NADSYN1: variants seen among roughly 807,000 people sequenced by gnomAD.
NADSYN1 encodes NAD synthetase 1.
In NADSYN1, 80 loss-of-function variants were observed where a neutral mutation model predicts 99.3. That is an observed-to-expected ratio of 0.81 (90% CI 0.67 to 0.97). NADSYN1 has a LOEUF of 0.97. Ranked by LOEUF, NADSYN1 falls within the 50% of genes least tolerant of loss-of-function variation. NADSYN1 has a pLI of 0.00. For missense variants in NADSYN1, 859 were observed against 948.5 expected, an observed-to-expected ratio of 0.91 and a Z score of 1.24; for synonymous variants, 385 against 372.1, an observed-to-expected ratio of 1.03 and a Z score of -0.40.
In NADSYN1 at chr11:71,478,282, G is replaced by A. The variant is rs1239306196; in HGVS notation, c.799-113G>A. 5 of 852,068 alleles carry A rather than the reference G, an allele frequency of 5.9e-6. No homozygotes were observed. In the East Asian group the frequency reaches 8.2e-5, roughly 14 times the overall value. 52.8% of individuals were successfully genotyped at this position (852,068 alleles called of 1,614,324 possible). ...CATCCCTGGGCCTCCAGGAATCCAGGGTCTCAGCCCCTGCTTTAGAAGGTG... is the reference window on the plus strand; with the variant it reads ...CATCCCTGGGCCTCCAGGAATCCAGAGTCTCAGCCCCTGCTTTAGAAGGTG... On this transcript the variant is annotated intron_variant, in intron 9 of 20. Transcript: ENST00000319023.
At chr11:71,484,046 G>A (rs2120483373) in intron 14 of NADSYN1, among the ~76,000 whole-genome samples, 1 of 152,336 alleles carries the variant, frequency 6.6e-6, no homozygotes. Flanking sequence ...CTCTGCATCT[G>A]TCACTGTCAG....
Position 71,474,412 on chromosome 11 carries a change from G to C in NADSYN1, c.684G>C (p.Leu228Phe). The part of the protein sequence containing the change: ...MVTSKNGGIY[L>F]LANQKGCDGD... ...TTTTTCAGAACGGTGGGATTTACTT[G>C]CTGGCCAACCAGAAGGGTTGTGACG... The change falls in exon 9 of 21, where the codon TTG (leucine) becomes TTC (phenylalanine). Residue 228 changes from leucine (L) to phenylalanine (F), a missense_variant. Leu to Phe is a conservative substitution (Grantham distance 22, BLOSUM62 0). Transcript: ENST00000319023. 1 of 1,614,160 alleles carries C rather than the reference G, an allele frequency of 6.2e-7. No individual in the cohort carries two copies. Among genetic ancestry groups the C allele is most frequent in the Non-Finnish European group, 8.5e-7 (1 of 1,180,010 alleles).
At position 71,458,276 on chromosome 11, in the gene NADSYN1, T is replaced by G. The variant is rs372325953; in HGVS notation, c.147-152T>G. ...CATCTGGCTGCGGCAGTGGGTCTTATGCTGGCTGCTCATTGGAATCACCTG... is the reference window on the plus strand; with the variant it reads ...CATCTGGCTGCGGCAGTGGGTCTTAGGCTGGCTGCTCATTGGAATCACCTG... On this transcript the variant is annotated intron_variant, in intron 2 of 20. Coordinates refer to ENST00000319023, the MANE Select transcript of NADSYN1 (RefSeq NM_018161.5). 26 of 662,474 alleles carry G rather than the reference T, an allele frequency of 3.9e-5. 2 individuals carry two copies. In the South Asian group the frequency reaches 4.5e-4, roughly 12 times the overall value. The allele number at this position is 662,474 out of a possible 1,614,324, so 41.0% of individuals were successfully genotyped here.
intron 2 of NADSYN1, 126 bp downstream of exon 2, chr11:71,455,296 T>G: frequency 1.4e-6 from 1 of 732,570 alleles, no homozygotes; most frequent in Non-Finnish European, 2.3e-6. Flanking sequence ...CACCCACTGT[T>G]GGGCCTGGTT....
chr11:71,474,608 G>A (rs1460124349), intron 9 of NADSYN1, 82 bp downstream of exon 9: 5 of 1,578,760 alleles, frequency 3.2e-6, no homozygotes, highest in Non-Finnish European at 2.6e-6. Context: ...TAAGCCGGGT[G>A]CTTAGTGAGG....
At chr11:71,481,778 A>T in intron 12 of NADSYN1, 145 bp from the exon 13 acceptor site, 6 of 655,602 alleles carry the variant, frequency 9.2e-6, no homozygotes, top group Non-Finnish European at 1.6e-5. Context: ...ACGTGCGGGT[A>T]TTTGTCCTGA....
At chr11:71,484,161 C>A in intron 14 of NADSYN1, 151 bp from the exon 15 acceptor site, 1 of 1,153,274 alleles carries the variant, frequency 8.7e-7, no homozygotes, top group Non-Finnish European at 1.2e-6. Context: ...GTGATGGCTG[C>A]GCAGCACTGT....
intron 3 of NADSYN1, among the ~76,000 whole-genome samples, 167 bp from the exon 4 acceptor site, chr11:71,463,265 G>C (rs1949562278): frequency 6.6e-6 from 1 of 152,154 alleles, no homozygotes. Flanking sequence ...GCTCCTTTTA[G>C]CTTTGATTTG....
At chr11:71,482,457 G>T (rs12275636) in intron 13 of NADSYN1, among the ~76,000 whole-genome samples, 12,568 of 151,732 alleles carry the variant, frequency 0.083, 586 homozygotes, top group African/African-American at 0.14. Context: ...GTAGACCGGG[G>T]TGCAGCCGTA....
chr11:71,486,277 A>G (rs906722626), intron 16 of NADSYN1, among the ~76,000 whole-genome samples: 1 of 152,154 alleles, frequency 6.6e-6, no homozygotes, highest in African/African-American at 2.4e-5. Flanking sequence ...TTGTTTGTCT[A>G]TGCATCCATC....
intron 4 of NADSYN1, among the ~76,000 whole-genome samples, chr11:71,463,757 C>T (rs1219136081): frequency 6.6e-6 from 1 of 152,094 alleles, no homozygotes; most frequent in Non-Finnish European, 1.5e-5. Context: ...GTCCTTGTGG[C>T]CTGGAAGCCA....
At chr11:71,456,147 C>T (rs1591119853) in intron 2 of NADSYN1, among the ~76,000 whole-genome samples, 1 of 152,214 alleles carries the variant, frequency 6.6e-6, no homozygotes, top group East Asian at 1.9e-4. Flanking sequence ...TTAGAGTAAG[C>T]AGGAACTGTC....
At chr11:71,466,636 G>A (rs997077404) in intron 5 of NADSYN1, 5 of 152,182 alleles carry the variant, frequency 3.3e-5, no homozygotes. Flanking sequence ...CTGCTCCCTC[G>A]CGGTTCACTT....
At chr11:71,454,816 T>G (rs1013322912) in intron 1 of NADSYN1, among the ~76,000 whole-genome samples, 5 of 152,138 alleles carry the variant, frequency 3.3e-5, no homozygotes, top group Non-Finnish European at 5.9e-5. Flanking sequence ...GTGCTAAGGG[T>G]CAGACCTGCA....
chr11:71,492,255 C>G (rs1179071951), intron 18 of NADSYN1, among the ~76,000 whole-genome samples: 2 of 152,176 alleles, frequency 1.3e-5, no homozygotes, highest in African/African-American at 4.8e-5. Flanking sequence ...CATGCTGGCC[C>G]TTCGTGATGA....
At position 71,492,764 on chromosome 11, in the gene NADSYN1, G is replaced by A. The variant is rs1243867843; in HGVS notation, c.1764+861G>A. ...GAAAAAAAAGCTTTTGCGTTTTGAC[G>A]GGGACTGCATGACACTATAGATCAG... On this transcript the variant is annotated intron_variant, in intron 18 of 20. Transcript: ENST00000319023. 2.6e-5 allele frequency among the ~76,000 whole-genome samples: 4 copies of A among 152,162 alleles called. No homozygotes were observed. In the South Asian group the frequency reaches 6.2e-4, roughly 24 times the overall value.
Position 71,453,426 on chromosome 11 carries a change from G to A in NADSYN1, c.85+45G>A, listed in dbSNP as rs1209383242. ...GGCACCGGTTTGGGGTGGCGCACGGGCACCGTGGCTGGGCCCAGGCTTGCC... is the reference window on the plus strand; with the variant it reads ...GGCACCGGTTTGGGGTGGCGCACGGACACCGTGGCTGGGCCCAGGCTTGCC... On this transcript the variant is annotated intron_variant, in intron 1 of 20. Transcript: ENST00000319023. The A allele has an allele frequency of 2.0e-6, 3 of 1,527,992 alleles. No homozygotes were observed. In the South Asian group the frequency reaches 3.4e-5, roughly 17 times the overall value. The allele number at this position is 1,527,992 out of a possible 1,614,324, so 94.7% of individuals were successfully genotyped here.
rs569142673 is a variant in NADSYN1, at chr11:71,466,293, A to C, written c.407+2151A>C. Among the ~76,000 whole-genome samples, 4 of 152,198 alleles carry C rather than the reference A, an allele frequency of 2.6e-5. No individual in the cohort carries two copies. In the East Asian group the frequency reaches 7.7e-4, roughly 29 times the overall value. On this transcript the variant is annotated intron_variant, in intron 5 of 20. Transcript: ENST00000319023. ...TGAGCACCTACACTCAGCCACTTGG[A>C]CTTTCACTTAACATGCCCCCATCCT... is the stretch of plus-strand genomic sequence containing the variant.
At position 71,458,447 on chromosome 11, in the gene NADSYN1, C is replaced by A; in HGVS notation, c.166C>A (p.His56Asn). 1 of 1,613,912 alleles carries A rather than the reference C, an allele frequency of 6.2e-7. No homozygotes were observed. Among genetic ancestry groups the A allele is most frequent in the Non-Finnish European group, 8.5e-7 (1 of 1,179,820 alleles). The change falls in exon 3 of 21, where the codon CAT becomes AAT. Residue 56 changes from histidine (H) to asparagine (N), a missense_variant. Coordinates refer to ENST00000319023, the MANE Select transcript of NADSYN1 (RefSeq NM_018161.5). The stretch of plus-strand genomic sequence containing the variant: ...CTGCAGCGGCTACGGATGTTGGGAT[C>A]ATTATTACGAGTCGGACACCCTCTT... ...LEICGYGCWDHYYESDTLLHS... is the reference protein window; with the variant it reads ...LEICGYGCWDNYYESDTLLHS...
Sources: allele counts gnomAD v4.1 joint callset (sites outside exome capture counted in the v4.1 genomes callset), GRCh38; gene constraint gnomAD v4.1.1; transcripts MANE v1.5; gene names NCBI Gene and HGNC (gene_info 2026-07-23, HGNC 2026-07-21).